The following DNM3 variants were observed in gnomAD, a reference collection of about 807,000 sequenced individuals.
DNM3 encodes dynamin 3.
Under a neutral mutation model 101.6 loss-of-function variants are expected in DNM3, and 47 were observed. The ratio of observed to expected loss-of-function variants is 0.46; its 90% CI spans 0.37 to 0.59. The LOEUF is 0.59. Among genes scored for constraint, DNM3 ranks in the 20% least tolerant of loss-of-function variants. The probability of loss-of-function intolerance (pLI) is 0.00; values close to 1 mark genes in which losing one functional copy is unlikely to be tolerated. For missense variants in DNM3, 849 were observed against 1,085.7 expected, an observed-to-expected ratio of 0.78 and a Z score of 3.06; for synonymous variants, 385 against 387.9, an observed-to-expected ratio of 0.99 and a Z score of 0.09.
rs545972689 is a variant in DNM3, at chr1:171,903,013, C to A, written c.162-18735C>A. Among the ~76,000 whole-genome samples the A allele has an allele frequency of 5.3e-5, 8 of 151,988 alleles. No individual in the cohort carries two copies. The East Asian group carries it at 1.6e-3, about 29-fold the overall frequency. On this transcript the variant is annotated intron_variant, in intron 1 of 20. Transcript: ENST00000627582. ...ACAGAAAATAAACAAAGTATCCAGG[C>A]ATGGTGGTGGACTGCCAAATAGTCC...
chr1:172,157,342 T>C (rs1048859716), intron 14 of DNM3, among the ~76,000 whole-genome samples: 1 of 152,092 alleles, frequency 6.6e-6, no homozygotes, highest in Non-Finnish European at 1.5e-5. Context: ...ATTCAAGTGA[T>C]AGAGAGCAGC....
chr1:172,057,096 A>G (rs975391621), intron 10 of DNM3, among the ~76,000 whole-genome samples: 9 of 152,258 alleles, frequency 5.9e-5, no homozygotes, highest in South Asian at 2.1e-4. Context: ...GGGTATCAGC[A>G]ATGGAAGATG....
At chr1:171,972,698 A>G (rs1005376085) in intron 2 of DNM3, among the ~76,000 whole-genome samples, 4 of 152,056 alleles carry the variant, frequency 2.6e-5, no homozygotes, top group Non-Finnish European at 5.9e-5. Flanking sequence ...GAAAATACAA[A>G]ATCAGCCGGG....
intron 13 of DNM3, among the ~76,000 whole-genome samples, chr1:172,127,913 T>C (rs1356657568): frequency 1.3e-5 from 2 of 152,118 alleles, no homozygotes; most frequent in Non-Finnish European, 2.9e-5. Context: ...TTGTTTCCCA[T>C]TCACTTTTCG....
chr1:172,321,228 A>C (rs2065700171), intron 16 of DNM3, among the ~76,000 whole-genome samples: 1 of 152,224 alleles, frequency 6.6e-6, no homozygotes, highest in Non-Finnish European at 1.5e-5. Context: ...GGAGAAGAAG[A>C]GGAATAGCCA....
intron 2 of DNM3, among the ~76,000 whole-genome samples, chr1:171,955,348 T>C (rs2042783894): frequency 6.6e-6 from 1 of 152,206 alleles, no homozygotes; most frequent in African/African-American, 2.4e-5. Context: ...AATATAGTTA[T>C]TTTAACTTTT....
At chr1:171,961,514 C>G (rs1487864525) in intron 2 of DNM3, among the ~76,000 whole-genome samples, 2 of 152,106 alleles carry the variant, frequency 1.3e-5, no homozygotes, top group African/African-American at 2.4e-5. Context: ...GAAATTGGTA[C>G]AGCCATTGCA....
chr1:172,364,546 C>T (rs930324008), intron 17 of DNM3, among the ~76,000 whole-genome samples: 1 of 151,758 alleles, frequency 6.6e-6, no homozygotes, highest in South Asian at 2.1e-4. Context: ...TTTTTAATAA[C>T]AAATTGCAAG....
chr1:172,092,981 C>T, intron 13 of DNM3, 106 bp downstream of exon 13: 1 of 1,037,194 alleles, frequency 9.6e-7, no homozygotes, highest in Non-Finnish European at 1.4e-6. Context: ...GCAAATTTTG[C>T]TTGAAATGCA....
intron 2 of DNM3, among the ~76,000 whole-genome samples, chr1:171,952,194 T>C (rs944703595): frequency 6.6e-6 from 1 of 152,208 alleles, no homozygotes; most frequent in African/African-American, 2.4e-5. Flanking sequence ...CACTTTTAGT[T>C]AATCCTTTCT....
intron 6 of DNM3, among the ~76,000 whole-genome samples, chr1:172,037,406 A>G (rs1487899333): frequency 6.6e-6 from 1 of 152,196 alleles, no homozygotes; most frequent in Non-Finnish European, 1.5e-5. Context: ...TCCAACAATG[A>G]TAGACTGGAT....
intron 14 of DNM3, among the ~76,000 whole-genome samples, chr1:172,193,119 G>T (rs1327845253): frequency 6.6e-6 from 1 of 152,016 alleles, no homozygotes; most frequent in East Asian, 1.9e-4. Context: ...GCATTTCTCT[G>T]ATGGCCAGTG....
At chr1:172,310,060 G>A (rs754960110) in intron 16 of DNM3, 2 of 152,148 alleles carry the variant, frequency 1.3e-5, no homozygotes, top group African/African-American at 2.4e-5. Context: ...ACAGAAGCAC[G>A]CATATATGAT....
At chr1:172,041,503 T>C (rs368469357) in intron 7 of DNM3, among the ~76,000 whole-genome samples, 2 of 152,288 alleles carry the variant, frequency 1.3e-5, no homozygotes, top group African/African-American at 4.8e-5. Context: ...CTGAGAGTTA[T>C]AGGCTAAAGC....
At chr1:171,972,077 A>C (rs542890669) in intron 2 of DNM3, among the ~76,000 whole-genome samples, 10 of 152,352 alleles carry the variant, frequency 6.6e-5, no homozygotes, top group Non-Finnish European at 7.3e-5. Context: ...ACTTGGAATC[A>C]TTCATTCATT....
At chr1:172,308,700 G>T in intron 15 of DNM3, 28 bp from the exon 16 acceptor site, 1 of 1,304,884 alleles carries the variant, frequency 7.7e-7, no homozygotes, top group Non-Finnish European at 1.0e-6. Context: ...CAAACTAAAA[G>T]CATGATTTTT....
At chr1:172,085,504 A>C (rs1289132291) in intron 12 of DNM3, among the ~76,000 whole-genome samples, 1 of 152,150 alleles carries the variant, frequency 6.6e-6, no homozygotes, top group Non-Finnish European at 1.5e-5. Flanking sequence ...CCAATGGTTA[A>C]AGAGAAAGAG....
chr1:172,126,998 G>T (rs1006373331), intron 13 of DNM3, among the ~76,000 whole-genome samples: 40 of 152,062 alleles, frequency 2.6e-4, no homozygotes, highest in African/African-American at 9.4e-4. Flanking sequence ...TACGCTGATT[G>T]TGTCCCTGAA....
At chr1:172,196,437 T>A (rs974539387) in intron 14 of DNM3, among the ~76,000 whole-genome samples, 2 of 152,118 alleles carry the variant, frequency 1.3e-5, no homozygotes, top group African/African-American at 4.8e-5. Context: ...ATGGGATTGC[T>A]AGGTCAAATG....
Sources: gnomAD v4.1 joint callset for allele counts (sites outside exome capture counted in the v4.1 genomes callset) on GRCh38, gnomAD v4.1.1 for gene constraint, MANE v1.5 for transcripts, NCBI Gene and HGNC (gene_info 2026-07-23, HGNC 2026-07-21) for gene names.